The following XKR6 variants were observed in gnomAD, a reference collection of about 807,000 sequenced individuals.
XKR6 encodes the protein XK related 6.
XKR6 carries 22 observed loss-of-function variants against 56.7 expected under a neutral mutation model. The observed-to-expected ratio is 0.39, with a 90% confidence interval of 0.28 to 0.55. XKR6 has a LOEUF of 0.55. Among genes scored for constraint, XKR6 ranks in the 20% least tolerant of loss-of-function variants. The pLI is 0.66. For synonymous variants in XKR6, 524 were observed against 387.8 expected, an observed-to-expected ratio of 1.35 and a Z score of -4.13; for missense variants, 852 against 889.0, an observed-to-expected ratio of 0.96 and a Z score of 0.53.
chr8:11,080,068 C>G (rs1430004757), intron 1 of XKR6, among the ~76,000 whole-genome samples: 3 of 151,940 alleles, frequency 2.0e-5, no homozygotes, highest in Non-Finnish European at 2.9e-5. Flanking sequence ...AACAAGGGTG[C>G]ATGCTTGAGA....
intron 1 of XKR6, among the ~76,000 whole-genome samples, chr8:11,103,756 TC>T (rs1160635448): frequency 3.9e-5 from 6 of 152,214 alleles, no homozygotes; most frequent in African/African-American, 1.4e-4. Flanking sequence ...TGCTTTCTCT[TC>T]AAAATACAAA....
intron 1 of XKR6, chr8:11,105,292 C>A (rs1251262844): frequency 6.6e-6 from 1 of 152,172 alleles, no homozygotes; most frequent in Non-Finnish European, 1.5e-5. Flanking sequence ...CAAGAACATA[C>A]ATTAGAGAAA....
chr8:11,084,195 C>T (rs963326027), intron 1 of XKR6, among the ~76,000 whole-genome samples: 2 of 152,226 alleles, frequency 1.3e-5, no homozygotes, highest in South Asian at 2.1e-4. Context: ...ACAAACAGTG[C>T]TTACTGACCT....
intron 1 of XKR6, among the ~76,000 whole-genome samples, chr8:11,033,522 G>T (rs1282051222): frequency 6.6e-6 from 1 of 152,106 alleles, no homozygotes. Context: ...TGATGACAAT[G>T]AAGAAAAACA....
intron 1 of XKR6, among the ~76,000 whole-genome samples, chr8:11,121,666 C>T (rs1349420150): frequency 6.6e-6 from 1 of 152,128 alleles, no homozygotes; most frequent in Non-Finnish European, 1.5e-5. Flanking sequence ...ACCATTTGAC[C>T]CAGCCATCCC....
intron 1 of XKR6, among the ~76,000 whole-genome samples, chr8:11,145,669 TG>T (rs1408085652): frequency 2.0e-5 from 3 of 152,186 alleles, no homozygotes; most frequent in African/African-American, 7.2e-5. Context: ...AACTTTACAC[TG>T]AGAACTACAA....
intron 1 of XKR6, among the ~76,000 whole-genome samples, chr8:11,099,025 C>T (rs1798366638): frequency 1.3e-5 from 2 of 152,176 alleles, no homozygotes; most frequent in South Asian, 2.1e-4. Flanking sequence ...CTTCTTCCCC[C>T]TTCCCTAGCC....
chr8:11,167,069 G>A (rs1392097235), intron 1 of XKR6, among the ~76,000 whole-genome samples: 6 of 152,098 alleles, frequency 3.9e-5, no homozygotes, highest in Non-Finnish European at 7.3e-5. Context: ...ATGGACTACT[G>A]CAAGAGAACA....
chr8:10,990,747 T>A (rs908981014), intron 1 of XKR6, among the ~76,000 whole-genome samples: 1 of 150,968 alleles, frequency 6.6e-6, no homozygotes, highest in South Asian at 2.1e-4. Context: ...GCCCAGTTAA[T>A]GTTTAAATTT....
At chr8:10,992,308 T>C (rs988279251) in intron 1 of XKR6, among the ~76,000 whole-genome samples, 2 of 149,438 alleles carry the variant, frequency 1.3e-5, no homozygotes, top group Non-Finnish European at 2.9e-5. Context: ...CACACACACA[T>C]TCACACACCA....
intron 2 of XKR6, among the ~76,000 whole-genome samples, chr8:10,916,114 T>G (rs1384530462): frequency 6.6e-6 from 1 of 152,222 alleles, no homozygotes; most frequent in Admixed American, 6.5e-5. Context: ...TCTGCTCAAT[T>G]TGGGGTCCAC....
At chr8:11,191,975 T>C (rs1049644159) in intron 1 of XKR6, among the ~76,000 whole-genome samples, 3 of 152,034 alleles carry the variant, frequency 2.0e-5, no homozygotes, top group African/African-American at 7.3e-5. Context: ...TATTTAGAGG[T>C]GCAACATCAG....
chr8:11,175,561 G>A lies in XKR6; in HGVS notation c.764+25015C>T, dbSNP rs75972365. The A allele has an allele frequency of 4.1e-3, 619 of 152,212 alleles. 3 individuals are homozygous for A. Among genetic ancestry groups the A allele is most frequent in the South Asian group, 9.2e-3 (44 of 4,798 alleles). The allele number at this position is 152,212 out of a possible 1,614,324, so 9.4% of individuals were successfully genotyped here. A position where few individuals can be genotyped will look rare whatever the true frequency, so the allele number is the denominator to read the frequency against. On this transcript the variant is annotated intron_variant, in intron 1 of 2. Transcript: ENST00000416569. ...AGAAACTGAAGAAATAAAAACTTAC[G>A]GCACAGGAATAAATTCCGCATAAAA...
intron 1 of XKR6, among the ~76,000 whole-genome samples, chr8:10,979,167 G>A (rs1045600600): frequency 6.6e-6 from 1 of 151,806 alleles, no homozygotes; most frequent in African/African-American, 2.4e-5. Context: ...GGATCTCACG[G>A]CACATCCTAC....
intron 1 of XKR6, among the ~76,000 whole-genome samples, chr8:11,051,674 A>G (rs181303484): frequency 6.6e-6 from 1 of 152,222 alleles, no homozygotes; most frequent in Non-Finnish European, 1.5e-5. Flanking sequence ...GGCTGATACT[A>G]ACTGACTCCA....
At chr8:11,071,215 G>A (rs1426571678) in intron 1 of XKR6, among the ~76,000 whole-genome samples, 1 of 152,178 alleles carries the variant, frequency 6.6e-6, no homozygotes, top group Non-Finnish European at 1.5e-5. Flanking sequence ...TCATTGCTCA[G>A]CATTTAGGGC....
At chr8:10,998,075 ATTGGGGG>A (rs1457895373) in intron 1 of XKR6, among the ~76,000 whole-genome samples, 3 of 152,096 alleles carry the variant, frequency 2.0e-5, no homozygotes, top group Non-Finnish European at 2.9e-5. Context: ...ACAACAGGGG[ATTGGGGG>A]TCACCAGCTC....
At chr8:10,953,621 G>A (rs1266769180) in intron 1 of XKR6, among the ~76,000 whole-genome samples, 1 of 152,156 alleles carries the variant, frequency 6.6e-6, no homozygotes, top group East Asian at 1.9e-4. Flanking sequence ...ACAATTCAGT[G>A]GATCTGGCAC....
chr8:10,987,055 A>G (rs557269868), intron 1 of XKR6, among the ~76,000 whole-genome samples: 5 of 151,444 alleles, frequency 3.3e-5, no homozygotes, highest in Admixed American at 6.6e-5. Flanking sequence ...CTCCCAAGTC[A>G]TAAGTTTGTT....
Sources: gnomAD v4.1 joint callset for allele counts (sites outside exome capture counted in the v4.1 genomes callset) on GRCh38, gnomAD v4.1.1 for gene constraint, MANE v1.5 for transcripts, NCBI Gene and HGNC (gene_info 2026-07-23, HGNC 2026-07-21) for gene names.